The following SYT1 variants were observed in gnomAD, a reference collection of about 807,000 sequenced individuals.
SYT1 encodes synaptotagmin-1.
SYT1 carries 8 observed loss-of-function variants against 44.8 expected under a neutral mutation model. That is an observed-to-expected ratio of 0.18 (90% confidence interval 0.10 to 0.32). SYT1 has a LOEUF of 0.32. Ranked by LOEUF, SYT1 falls within the 10% of genes least tolerant of loss-of-function variation. The pLI, the probability that SYT1 is intolerant of heterozygous loss-of-function variation, is 1.00. For missense variants in SYT1, 286 were observed against 509.3 expected (o/e 0.56, Z 4.22); for synonymous variants, 154 against 188.8 (o/e 0.82, Z 1.51).
intron 8 of SYT1, among the ~76,000 whole-genome samples, chr12:79,329,091 C>A (rs1340169272): frequency 3.9e-5 from 6 of 152,132 alleles, no homozygotes; most frequent in Non-Finnish European, 7.3e-5. Flanking sequence ...GATCCAAGCT[C>A]ATGGCCACAG....
chr12:79,168,016 A>G (rs554762281), intron 3 of SYT1, among the ~76,000 whole-genome samples: 5 of 152,204 alleles, frequency 3.3e-5, no homozygotes, highest in African/African-American at 1.2e-4. Flanking sequence ...GAACTCAGGC[A>G]GTAATGCTCA....
intron 4 of SYT1, among the ~76,000 whole-genome samples, chr12:79,247,982 C>G (rs554433419): frequency 6.6e-6 from 1 of 152,232 alleles, no homozygotes; most frequent in Admixed American, 6.5e-5. Context: ...CAATAAAGAT[C>G]TTATTGGTTA....
intron 9 of SYT1, among the ~76,000 whole-genome samples, chr12:79,435,552 G>A (rs533449619): frequency 2.6e-5 from 4 of 152,194 alleles, no homozygotes; most frequent in South Asian, 2.1e-4. Context: ...TTGGGGTCAT[G>A]GGGTCAGTTA....
chr12:78,977,587 T>G (rs1012052337), intron 1 of SYT1: 2 of 152,228 alleles, frequency 1.3e-5, no homozygotes, highest in African/African-American at 4.8e-5. Flanking sequence ...CTAGATTTTT[T>G]TAAAATGTCA....
At chr12:79,256,072 AG>A (rs1260338899) in intron 4 of SYT1, among the ~76,000 whole-genome samples, 1 of 152,240 alleles carries the variant, frequency 6.6e-6, no homozygotes, top group Non-Finnish European at 1.5e-5. Flanking sequence ...GTGAGAGATA[AG>A]GGCTCTGCAA....
chr12:79,264,601 T>C (rs1489594682), intron 4 of SYT1, among the ~76,000 whole-genome samples: 1 of 152,196 alleles, frequency 6.6e-6, no homozygotes, highest in Non-Finnish European at 1.5e-5. Flanking sequence ...AAATCTAGCA[T>C]GTTGCCAATG....
chr12:79,390,761 C>T (rs1593025766), intron 9 of SYT1, among the ~76,000 whole-genome samples: 1 of 152,288 alleles, frequency 6.6e-6, no homozygotes, highest in African/African-American at 2.4e-5. Flanking sequence ...AACACTTTTC[C>T]TTTCTCATCT....
chr12:79,291,725 A>G (rs1879591096), intron 5 of SYT1: 8 of 515,036 alleles, frequency 1.6e-5, no homozygotes, highest in South Asian at 1.2e-4. Flanking sequence ...TACAACACCA[A>G]GTTGACACTT....
intron 3 of SYT1, among the ~76,000 whole-genome samples, chr12:79,198,954 A>G (rs1439210084): frequency 6.6e-6 from 1 of 152,178 alleles, no homozygotes; most frequent in Non-Finnish European, 1.5e-5. Flanking sequence ...AAGAAGGGGA[A>G]GCCCGCATGA....
intron 9 of SYT1, among the ~76,000 whole-genome samples, chr12:79,426,370 C>T (rs1447693051): frequency 6.6e-6 from 1 of 152,100 alleles, no homozygotes; most frequent in Non-Finnish European, 1.5e-5. Context: ...AGTGTTCTAA[C>T]CTTATTCATA....
intron 2 of SYT1, among the ~76,000 whole-genome samples, chr12:78,990,093 T>G (rs1351032365): frequency 1.3e-5 from 2 of 151,986 alleles, no homozygotes; most frequent in Non-Finnish European, 2.9e-5. Context: ...AGTTTCTGGG[T>G]TTTTGTACCA....
chr12:78,941,394 TACACACAC>T lies in SYT1; in HGVS notation c.-216-36371_-216-36364del, dbSNP rs71441941. Among the ~76,000 whole-genome samples, 263 of 143,796 alleles carry T rather than the reference TACACACAC, an allele frequency of 1.8e-3. 1 individual carries two copies. The highest frequency in any genetic ancestry group is 0.011 in the Middle Eastern group (3 of 278). 94.3% of individuals were successfully genotyped at this position (143,796 alleles called of 152,430 possible). On this transcript the variant is annotated intron_variant, in intron 1 of 10. Coordinates refer to ENST00000261205, the MANE Select transcript of SYT1 (RefSeq NM_005639.3). ...GCCTAGAACATTTCTTAATAGAATC[TACACACAC>T]ACACACACACACACACACACACACA...
chr12:78,978,844 C>T (rs1227126831), intron 2 of SYT1, among the ~76,000 whole-genome samples: 1 of 152,150 alleles, frequency 6.6e-6, no homozygotes, highest in Admixed American at 6.6e-5. Context: ...AGGAAGTTTG[C>T]TACAGTGGAT....
intron 3 of SYT1, among the ~76,000 whole-genome samples, chr12:79,141,140 C>T (rs751646124): frequency 6.6e-6 from 1 of 152,160 alleles, no homozygotes; most frequent in Admixed American, 6.6e-5. Context: ...GTTTTTAATT[C>T]AGCAACAAAT....
At chr12:79,374,026 A>G (rs1353406573) in intron 9 of SYT1, among the ~76,000 whole-genome samples, 7 of 152,222 alleles carry the variant, frequency 4.6e-5, no homozygotes, top group Non-Finnish European at 4.4e-5. Context: ...CGCAATACAT[A>G]GAAAAATGCT....
chr12:79,132,690 A>AG lies in SYT1; in HGVS notation c.-17-84813_-17-84812insG, dbSNP rs1868919652. The stretch of plus-strand genomic sequence containing the variant: ...GAGTTTTCTCAAAAAAAAAAAAAAA[A>AG]AAAAAAAAAAACCCTGAAAATAGAG... On this transcript the variant is annotated intron_variant, in intron 3 of 10. Coordinates refer to ENST00000261205, the MANE Select transcript of SYT1 (RefSeq NM_005639.3). Among the ~76,000 whole-genome samples, 3 of 150,772 alleles carry AG rather than the reference A, an allele frequency of 2.0e-5. No homozygotes were observed. In the East Asian group the frequency reaches 5.8e-4, roughly 29 times the overall value.
rs549948267 is a variant in SYT1 at position 79,243,192 on chromosome 12, A to C, written c.166+25507A>C. ...AACATGTGGGGATTATGGGAGCTAC[A>C]ATTCAAGATGAGATTTGAGTGGGGA... On this transcript the variant is annotated intron_variant, in intron 4 of 10. Coordinates refer to ENST00000261205, the MANE Select transcript of SYT1 (RefSeq NM_005639.3). Among the ~76,000 whole-genome samples the C allele has an allele frequency of 7.2e-5, 11 of 152,312 alleles. No homozygotes were observed. In the South Asian group the frequency reaches 2.3e-3, roughly 32 times the overall value.
At chr12:79,158,009 C>T (rs1870706587) in intron 3 of SYT1, among the ~76,000 whole-genome samples, 1 of 152,028 alleles carries the variant, frequency 6.6e-6, no homozygotes, top group African/African-American at 2.4e-5. Context: ...CATTGGGGAC[C>T]AGTTTCATGG....
intron 4 of SYT1, among the ~76,000 whole-genome samples, chr12:79,266,637 A>G (rs1429654192): frequency 6.6e-6 from 1 of 152,218 alleles, no homozygotes; most frequent in East Asian, 1.9e-4. Context: ...AAGAACAGAC[A>G]ATAAATCAAG....
Sources: allele counts gnomAD v4.1 joint callset (sites outside exome capture counted in the v4.1 genomes callset), GRCh38; gene constraint gnomAD v4.1.1; transcripts MANE v1.5; gene names NCBI Gene and HGNC (gene_info 2026-07-23, HGNC 2026-07-21).